FOXP2: variants seen among roughly 807,000 people sequenced by gnomAD.
FOXP2 encodes forkhead box protein P2.
A neutral mutation model predicts 115.8 loss-of-function variants in FOXP2; 12 were observed. That is an observed-to-expected ratio of 0.10 (90% CI 0.07 to 0.17). FOXP2 has a LOEUF of 0.17. FOXP2 is among the 10% of genes least tolerant of loss of function. FOXP2 has a pLI of 1.00. For missense variants in FOXP2, 629 were observed against 843.5 expected (o/e 0.75, Z 3.15); for synonymous variants, 328 against 297.7 (o/e 1.10, Z -1.05).
chr7:114,446,291 C>G (rs925324742), intron 2 of FOXP2, among the ~76,000 whole-genome samples: 1 of 151,870 alleles, frequency 6.6e-6, no homozygotes, highest in African/African-American at 2.4e-5. Context: ...TGAGTTACTT[C>G]TTATAATTAT....
At chr7:114,245,426 G>C (rs1363965667) in intron 1 of FOXP2, among the ~76,000 whole-genome samples, 1 of 152,154 alleles carries the variant, frequency 6.6e-6, no homozygotes, top group Non-Finnish European at 1.5e-5. Context: ...ATATGTGTAA[G>C]TTTTCCTCCT....
chr7:114,166,991 C>A (rs923363342), intron 1 of FOXP2, among the ~76,000 whole-genome samples: 2 of 152,172 alleles, frequency 1.3e-5, no homozygotes, highest in Admixed American at 1.3e-4. Flanking sequence ...AGTCATATAA[C>A]CACTTTGAAA....
At position 114,436,181 on chromosome 7, in the gene FOXP2, G is replaced by C. The variant is rs926002633; in HGVS notation, c.168+9502G>C. Among the ~76,000 whole-genome samples, 3 of 151,840 alleles carry C rather than the reference G, an allele frequency of 2.0e-5. No homozygotes were observed. In the South Asian group the frequency reaches 6.3e-4, roughly 32 times the overall value. ...GGATTCATTTTCTTTATGAATTGGA[G>C]GTAAAAATAATTAATATAATTATTA... On this transcript the variant is annotated intron_variant, in intron 2 of 16. Transcript: ENST00000350908.
At chr7:114,146,754 A>G (rs2129148100) in intron 1 of FOXP2, among the ~76,000 whole-genome samples, 1 of 152,326 alleles carries the variant, frequency 6.6e-6, no homozygotes, top group South Asian at 2.1e-4. Context: ...GCTGTGTGTG[A>G]CAGGCAGGAA....
At chr7:114,342,445 A>G (rs1378057027) in intron 2 of FOXP2, among the ~76,000 whole-genome samples, 1 of 151,362 alleles carries the variant, frequency 6.6e-6, no homozygotes, top group Admixed American at 6.6e-5. Flanking sequence ...GGACCTTTTC[A>G]TATTTTATCT....
chr7:114,201,518 A>G (rs1207379975), intron 1 of FOXP2, among the ~76,000 whole-genome samples: 4 of 152,216 alleles, frequency 2.6e-5, no homozygotes, highest in Non-Finnish European at 2.9e-5. Context: ...TTGATTTACA[A>G]AATCACAGAA....
At chr7:114,285,655 G>A in intron 1 of FOXP2, among the ~76,000 whole-genome samples, 1 of 152,016 alleles carries the variant, frequency 6.6e-6, no homozygotes, top group Admixed American at 6.6e-5. Context: ...ACACTGCGCA[G>A]AATTCATTCA....
At chr7:114,238,949 TAA>T (rs1255934268) in intron 1 of FOXP2, among the ~76,000 whole-genome samples, 1,715 of 148,966 alleles carry the variant, frequency 0.012, 31 homozygotes, top group African/African-American at 0.039. Flanking sequence ...CAAACATTTA[TAA>T]ATATAAAAAT....
intron 1 of FOXP2, among the ~76,000 whole-genome samples, chr7:114,261,475 A>C (rs1033905449): frequency 6.6e-6 from 1 of 152,194 alleles, no homozygotes; most frequent in Non-Finnish European, 1.5e-5. Flanking sequence ...GGTTAAAAGT[A>C]CGAGGATTTT....
chr7:114,138,848 G>A (rs993983259), intron 1 of FOXP2, among the ~76,000 whole-genome samples: 2 of 152,172 alleles, frequency 1.3e-5, no homozygotes, highest in African/African-American at 4.8e-5. Context: ...ATGACAAAAT[G>A]TAACATGGTA....
chr7:114,326,074 A>C (rs1797550638), intron 2 of FOXP2, among the ~76,000 whole-genome samples: 1 of 152,096 alleles, frequency 6.6e-6, no homozygotes, highest in Non-Finnish European at 1.5e-5. Context: ...AACACATTGC[A>C]TTTGTCGTTA....
At chr7:114,127,911 A>C (rs1791761854) in intron 1 of FOXP2, among the ~76,000 whole-genome samples, 1 of 152,212 alleles carries the variant, frequency 6.6e-6, no homozygotes, top group African/African-American at 2.4e-5. Context: ...ATTAAAAAGA[A>C]TAGAAATAAA....
chr7:114,532,997 G>A (rs1185554714), intron 2 of FOXP2, among the ~76,000 whole-genome samples: 1 of 152,026 alleles, frequency 6.6e-6, no homozygotes, highest in East Asian at 1.9e-4. Flanking sequence ...AGTAATTACA[G>A]ATTTTTTTGT....
At position 114,426,763 on chromosome 7, in the gene FOXP2, G is replaced by A. The variant is rs939403751; in HGVS notation, c.168+84G>A. ...GAAAAATGTATTCATAGCAAACTGA[G>A]CATGTTGTGTTAAGCTAAAAGATGC... On this transcript the variant is annotated intron_variant, in intron 2 of 16. Coordinates refer to ENST00000350908, the MANE Select transcript of FOXP2 (RefSeq NM_014491.4). 28 of 1,389,968 alleles carry A rather than the reference G, an allele frequency of 2.0e-5. No homozygotes were observed. In the African/African-American group the frequency reaches 3.9e-4, roughly 19 times the overall value. 86.1% of individuals were successfully genotyped at this position (1,389,968 alleles called of 1,614,324 possible).
At chr7:114,164,627 A>G (rs917401137) in intron 1 of FOXP2, among the ~76,000 whole-genome samples, 4 of 152,114 alleles carry the variant, frequency 2.6e-5, no homozygotes, top group African/African-American at 9.7e-5. Context: ...GGCATAAGCC[A>G]CCGTGCCCGG....
Position 114,271,504 on chromosome 7 carries a change from TA to T in FOXP2, c.-101-16513del, listed in dbSNP as rs1441705401. Among the ~76,000 whole-genome samples, 21 of 132,394 alleles carry T rather than the reference TA, an allele frequency of 1.6e-4. No homozygotes were observed. The Admixed American group carries it at 1.6e-3, about 10-fold the overall frequency. The allele number at this position is 132,394 out of a possible 152,430, so 86.9% of individuals were successfully genotyped here. On this transcript the variant is annotated intron_variant, in intron 1 of 17. Transcript: ENST00000634411. ...TATATATATATTTATATAAATATAT[TA>T]ATAATATAATATTAATATAATTATT... is the stretch of plus-strand genomic sequence containing the variant.
intron 1 of FOXP2, among the ~76,000 whole-genome samples, chr7:114,261,645 A>T (rs1249236301): frequency 6.6e-6 from 1 of 152,142 alleles, no homozygotes; most frequent in Non-Finnish European, 1.5e-5. Context: ...CGGTTATAGA[A>T]CCTATCTCAA....
chr7:114,294,062 A>T (rs574831008), intron 2 of FOXP2, among the ~76,000 whole-genome samples: 42 of 152,216 alleles, frequency 2.8e-4, no homozygotes, highest in Non-Finnish European at 5.3e-4. Context: ...GATGTCTCTC[A>T]GGCATATGTA....
In FOXP2 at chr7:114,480,759, A is replaced by ATATG. The variant is rs1212262153; in HGVS notation, c.169-53855_169-53854insGTAT. Reference sequence around the variant, plus strand: ...TATATGTGTATGTATGTATACGTATATATATACGTATACATACATACACAT... The same window carrying ATATG: ...TATATGTGTATGTATGTATACGTATATATGTATATACGTATACATACATACACAT... On this transcript the variant is annotated intron_variant, in intron 2 of 16. Transcript: ENST00000350908. Among the ~76,000 whole-genome samples the ATATG allele has an allele frequency of 2.7e-5, 4 of 150,450 alleles. No individual in the cohort carries two copies. The East Asian group carries it at 7.8e-4, about 29-fold the overall frequency.
Sources: gnomAD v4.1 joint callset for allele counts (sites outside exome capture counted in the v4.1 genomes callset) on GRCh38, gnomAD v4.1.1 for gene constraint, MANE v1.5 for transcripts, NCBI Gene and HGNC (gene_info 2026-07-23, HGNC 2026-07-21) for gene names.